TMCO4: variants seen among roughly 807,000 people sequenced by gnomAD.
The protein encoded by TMCO4 is transmembrane and coiled-coil domain-containing protein 4.
A neutral mutation model predicts 64.7 loss-of-function variants in TMCO4; 58 were observed. The ratio of observed to expected loss-of-function variants is 0.90; its 90% confidence interval spans 0.73 to 1.12. The LOEUF (loss-of-function observed/expected upper bound fraction) is 1.12, where lower values mean the gene tolerates loss of function less well. TMCO4 is among the 50% of genes most tolerant of loss of function. The pLI, the probability that TMCO4 is intolerant of heterozygous loss-of-function variation, is 0.00. For missense variants in TMCO4, 780 were observed against 825.9 expected, an observed-to-expected ratio of 0.94 and a Z score of 0.68; for synonymous variants, 325 against 346.1, an observed-to-expected ratio of 0.94 and a Z score of 0.68.
chr1:19,775,764 T>A (rs2043178249), intron 4 of TMCO4, among the ~76,000 whole-genome samples: 1 of 152,222 alleles, frequency 6.6e-6, no homozygotes. Flanking sequence ...ACAGCATCTG[T>A]GATGTTCACA....
At chr1:19,764,842 CAAAAAAAAAAAAAA>C (rs33963523) in intron 6 of TMCO4, among the ~76,000 whole-genome samples, 3 of 70,418 alleles carry the variant, frequency 4.3e-5, no homozygotes, top group South Asian at 5.4e-4. Context: ...AACTCTGTCT[CAAAAAAAAAAAAAA>C]AAAAAAAAAA....
intron 13 of TMCO4, among the ~76,000 whole-genome samples, chr1:19,716,909 C>T (rs2095359409): frequency 6.6e-6 from 1 of 152,136 alleles, no homozygotes; most frequent in Non-Finnish European, 1.5e-5. Flanking sequence ...AATCCAGGGC[C>T]GGGCGCGGTG....
chr1:19,707,034 A>T (rs2095306303), intron 13 of TMCO4, among the ~76,000 whole-genome samples: 1 of 152,208 alleles, frequency 6.6e-6, no homozygotes, highest in East Asian at 1.9e-4. Context: ...CTTTGTGCTT[A>T]AAAACCTCCC....
At position 19,683,205 on chromosome 1, in the gene TMCO4, G is replaced by A. The variant is rs1403257370; in HGVS notation, c.1740C>T (p.Ser580=). 1 of 1,614,126 alleles carries A rather than the reference G, an allele frequency of 6.2e-7. No homozygotes were observed. Among genetic ancestry groups the A allele is most frequent in the East Asian group, 2.2e-5 (1 of 44,888 alleles). Residue 580 remains serine, a synonymous_variant, in exon 16 of 16, where the codon AGC becomes AGT. Coordinates refer to ENST00000294543, the MANE Select transcript of TMCO4 (RefSeq NM_181719.7). ...TSKLAMSTDP[S]QAQVPVGLDQ... is the part of the protein sequence containing the mutation. The stretch of plus-strand genomic sequence containing the variant: ...CCAGCCCTACTGGCACCTGGGCTTG[G>A]CTGGGGTCTGTGGACATGGCCAATT...
At chr1:19,768,882 C>T (rs941586025) in intron 6 of TMCO4, among the ~76,000 whole-genome samples, 4 of 152,182 alleles carry the variant, frequency 2.6e-5, no homozygotes, top group African/African-American at 9.6e-5. Flanking sequence ...GCTGGGTCCA[C>T]ATACCACACT....
intron 14 of TMCO4, among the ~76,000 whole-genome samples, chr1:19,698,957 G>A (rs2100601381): frequency 6.6e-6 from 1 of 152,326 alleles, no homozygotes; most frequent in Middle Eastern, 3.4e-3. Flanking sequence ...AGCACTTTGG[G>A]AGGCTGAGAC....
intron 15 of TMCO4, among the ~76,000 whole-genome samples, chr1:19,687,567 C>G (rs988278019): frequency 8.5e-5 from 13 of 152,184 alleles, no homozygotes; most frequent in Admixed American, 2.6e-4. Context: ...AGGGAGTTAG[C>G]TGGGCTGATC....
chr1:19,775,328 C>T (rs1023216017), intron 4 of TMCO4, among the ~76,000 whole-genome samples: 5 of 152,162 alleles, frequency 3.3e-5, no homozygotes, highest in African/African-American at 4.8e-5. Flanking sequence ...CCACCCGCCT[C>T]GGCCTCCCAA....
chr1:19,746,667 G>A, intron 8 of TMCO4, 68 bp from the exon 9 acceptor site: 4 of 1,534,034 alleles, frequency 2.6e-6, no homozygotes, highest in Non-Finnish European at 3.5e-6. Context: ...GCTCACGCCT[G>A]TAATCCCAGC....
intron 13 of TMCO4, among the ~76,000 whole-genome samples, chr1:19,705,538 C>T (rs1178949525): frequency 7.2e-6 from 1 of 138,746 alleles, no homozygotes; most frequent in Non-Finnish European, 1.6e-5. Flanking sequence ...AAAAGAATTG[C>T]AAAAAAAAAA....
At chr1:19,775,730 G>A (rs1286272365) in intron 4 of TMCO4, among the ~76,000 whole-genome samples, 1 of 152,144 alleles carries the variant, frequency 6.6e-6, no homozygotes, top group Non-Finnish European at 1.5e-5. Context: ...CTCCATGTTT[G>A]ATCAATGGAA....
At chr1:19,711,555 C>T (rs536864429) in intron 13 of TMCO4, among the ~76,000 whole-genome samples, 71 of 152,302 alleles carry the variant, frequency 4.7e-4, no homozygotes, top group African/African-American at 1.7e-3. Flanking sequence ...ATGGCGCAAT[C>T]ACGGCTCACT....
At chr1:19,702,544 A>C (rs1229270221) in intron 13 of TMCO4, among the ~76,000 whole-genome samples, 1 of 152,192 alleles carries the variant, frequency 6.6e-6, no homozygotes, top group Non-Finnish European at 1.5e-5. Flanking sequence ...CAGTGAGCTG[A>C]GAATGGGCCA....
intron 15 of TMCO4, among the ~76,000 whole-genome samples, chr1:19,688,921 G>A (rs1278906648): frequency 6.6e-6 from 1 of 152,196 alleles, no homozygotes; most frequent in African/African-American, 2.4e-5. Context: ...TGCCCCAGAA[G>A]CCTCATGAGT....
rs779633973 is a variant in TMCO4, at chr1:19,755,708, C to T, written c.441G>A (p.Val147=). Residue 147 remains valine, a synonymous_variant, in exon 7 of 16, where the codon GTG becomes GTA. Coordinates refer to ENST00000294543, the MANE Select transcript of TMCO4 (RefSeq NM_181719.7). The stretch of plus-strand genomic sequence containing the variant: ...CAAGGACATCCAGCTCCTCCAAGGG[C>T]ACTTGGAGCAGGGAGGTCATGTGGC... ...LVCHMTSLLQ[V]PLEELDVLEE... 6.8e-6 allele frequency: 11 copies of T among 1,614,016 alleles called. No individual in the cohort carries two copies. The South Asian group carries it at 1.1e-4, about 16-fold the overall frequency.
At chr1:19,740,550 A>G (rs12064049) in intron 11 of TMCO4, among the ~76,000 whole-genome samples, 27,357 of 152,158 alleles carry the variant, frequency 0.18, 3,005 homozygotes, top group African/African-American at 0.3. Context: ...GGCTTGTCCC[A>G]CAGCAATAGC....
chr1:19,790,231 G>A (rs145461269), intron 2 of TMCO4, among the ~76,000 whole-genome samples: 3,550 of 152,026 alleles, frequency 0.023, 146 homozygotes, highest in African/African-American at 0.081. Flanking sequence ...GAACATCTAG[G>A]CAATACCATT....
intron 14 of TMCO4, among the ~76,000 whole-genome samples, chr1:19,695,039 A>G (rs1218835522): frequency 1.3e-5 from 2 of 152,194 alleles, no homozygotes; most frequent in Non-Finnish European, 2.9e-5. Flanking sequence ...TAGGCGACCT[A>G]TCTGTGAGCT....
intron 7 of TMCO4, among the ~76,000 whole-genome samples, chr1:19,748,268 C>T (rs1464199649): frequency 2.0e-5 from 3 of 152,226 alleles, no homozygotes. Flanking sequence ...TGCTGCATCT[C>T]CCCAAGCCTC....
Sources: allele counts gnomAD v4.1 joint callset (sites outside exome capture counted in the v4.1 genomes callset), GRCh38; gene constraint gnomAD v4.1.1; transcripts MANE v1.5; gene names NCBI Gene and HGNC (gene_info 2026-07-23, HGNC 2026-07-21).